OSBPL2: variants seen among roughly 807,000 people sequenced by gnomAD.
OSBPL2 encodes the protein oxysterol binding protein like 2, also known as oxysterol-binding protein-related protein 2.
In OSBPL2, 18 loss-of-function variants were observed where a neutral mutation model predicts 58.4. The observed-to-expected ratio is 0.31, with a 90% CI of 0.21 to 0.46. The LOEUF is 0.46. Among genes scored for constraint, OSBPL2 ranks in the 20% least tolerant of loss-of-function variants. The pLI, the probability that OSBPL2 is intolerant of heterozygous loss-of-function variation, is 1.00. For missense variants in OSBPL2, 461 were observed against 616.5 expected (o/e 0.75, Z 2.67); for synonymous variants, 221 against 234.1 (o/e 0.94, Z 0.51).
At chr20:62,281,004 G>T in intron 7 of OSBPL2, 54 bp from the exon 8 acceptor site, 1 of 1,416,178 alleles carries the variant, frequency 7.1e-7, no homozygotes, top group East Asian at 2.3e-5. Context: ...CTTGGGTCAC[G>T]TCGTGTCTTG....
Position 62,277,255 on chromosome 20 carries a change from AAAAAAG to A in OSBPL2, c.492-1888_492-1883del, listed in dbSNP as rs1278864273. Among the ~76,000 whole-genome samples the A allele has an allele frequency of 3.3e-5, 5 of 152,344 alleles. 1 individual carries two copies. The highest frequency in any genetic ancestry group is 2.0e-4 in the Admixed American group (3 of 15,304). ...ACAGAGATTTTGAGATTCCATCTCA[AAAAAAG>A]AAAAAGAAAAAGATAAATCAGAAGA... On this transcript the variant is annotated intron_variant, in intron 6 of 13. Coordinates refer to ENST00000313733, the MANE Select transcript of OSBPL2 (RefSeq NM_144498.4).
chr20:62,266,486 G>A (rs1334212353), intron 4 of OSBPL2, among the ~76,000 whole-genome samples: 1 of 152,232 alleles, frequency 6.6e-6, no homozygotes, highest in African/African-American at 2.4e-5. Context: ...GTGATTGGCT[G>A]TGGCTCGTTC....
Position 62,244,893 on chromosome 20 carries a change from G to A in OSBPL2, c.-129+6296G>A, listed in dbSNP as rs1979997700. 2.0e-5 allele frequency among the ~76,000 whole-genome samples: 3 copies of A among 152,328 alleles called. No homozygotes were observed. In the South Asian group the frequency reaches 6.2e-4, roughly 32 times the overall value. On this transcript the variant is annotated intron_variant, in intron 1 of 13. Transcript: ENST00000313733. ...TGGCATGGAGAATGGTAAACAGTGG[G>A]GGTGCTGCTGTCTGCACAGTGGGAG...
intron 12 of OSBPL2, chr20:62,291,235 T>TTGTAACTTCTCATGCTG: frequency 8.5e-6 from 2 of 233,946 alleles, no homozygotes; most frequent in Non-Finnish European, 1.7e-5. Context: ...TTCTCATGCT[T>TTGTAACTTCTCATGCTG]TGTATTCAGA....
intron 1 of OSBPL2, chr20:62,242,588 TA>T (rs1285662047): frequency 6.6e-6 from 1 of 152,224 alleles, no homozygotes; most frequent in Non-Finnish European, 1.5e-5. Flanking sequence ...GCTGGCTCCA[TA>T]GTTTGGGGCC....
chr20:62,282,537 A>G (rs957194818), intron 9 of OSBPL2, among the ~76,000 whole-genome samples: 6 of 152,236 alleles, frequency 3.9e-5, no homozygotes, highest in Admixed American at 1.3e-4. Context: ...CTAGTCCCCA[A>G]TTTAAAACAG....
At chr20:62,291,485 A>G (rs1601205888) in intron 12 of OSBPL2, 4 of 583,902 alleles carry the variant, frequency 6.9e-6, no homozygotes, top group East Asian at 3.1e-5. Flanking sequence ...TGCAGCCCCC[A>G]TGCTCTACTC....
intron 2 of OSBPL2, among the ~76,000 whole-genome samples, chr20:62,256,978 G>A (rs1331375018): frequency 6.6e-6 from 1 of 152,280 alleles, no homozygotes; most frequent in Non-Finnish European, 1.5e-5. Flanking sequence ...TTGCTGGTGG[G>A]AAGGGGCATC....
At chr20:62,270,096 C>T (rs945604752) in intron 4 of OSBPL2, among the ~76,000 whole-genome samples, 1 of 152,216 alleles carries the variant, frequency 6.6e-6, no homozygotes, top group Non-Finnish European at 1.5e-5. Flanking sequence ...AGAGCGCGTC[C>T]TTGTGGTGCT....
intron 7 of OSBPL2, chr20:62,279,879 C>T (rs1302510771): frequency 2.6e-6 from 3 of 1,141,708 alleles, no homozygotes; most frequent in Admixed American, 2.9e-5. Context: ...GCCCTTTGCA[C>T]ACTCCCCCAC....
intron 13 of OSBPL2, 84 bp from the exon 14 acceptor site, chr20:62,293,701 G>A: frequency 1.7e-6 from 2 of 1,209,950 alleles, no homozygotes; most frequent in Non-Finnish European, 2.3e-6. Context: ...CTGAGTTGGG[G>A]GAACACACTC....
At position 62,269,997 on chromosome 20, in the gene OSBPL2, C is replaced by T. The variant is rs1171994672; in HGVS notation, c.259-2128C>T. 1.3e-5 allele frequency among the ~76,000 whole-genome samples: 2 copies of T among 152,268 alleles called. No homozygotes were observed. Among genetic ancestry groups the T allele is most frequent in the Non-Finnish European group, 2.9e-5 (2 of 68,052 alleles). On this transcript the variant is annotated intron_variant, in intron 4 of 13. Transcript: ENST00000313733. This position sits in a 1 kb window ranked among gnomAD's most constrained non-coding sequence, Gnocchi z 4.2. ...TGCGTCTGCCCTGTGCTCTCAGCCT[C>T]GGTCCCTGCACTCGTCCTTGACCCA...
intron 5 of OSBPL2, among the ~76,000 whole-genome samples, chr20:62,273,089 C>T (rs1982169181): frequency 6.6e-6 from 1 of 152,188 alleles, no homozygotes; most frequent in Non-Finnish European, 1.5e-5. Context: ...GAAGGCAGCA[C>T]CCAGTTCCTT....
Position 62,241,880 on chromosome 20 carries a change from G to T in OSBPL2, c.-129+3283G>T, listed in dbSNP as rs78924797. Among the ~76,000 whole-genome samples the T allele has an allele frequency of 7.4e-4, 113 of 152,224 alleles. No homozygotes were observed. The East Asian group carries it at 0.012, about 17-fold the overall frequency. The stretch of plus-strand genomic sequence containing the variant: ...TAGTCATTGTCATACTTCCTGTTTG[G>T]GTGTTGACATTTCGTTTAGTGTTTA... On this transcript the variant is annotated intron_variant, in intron 1 of 13. Transcript: ENST00000313733.
Position 62,293,868 on chromosome 20 carries a change from A to C in OSBPL2, c.1424A>C (p.Asp475Ala). 6.2e-7 allele frequency: 1 copy of C among 1,614,006 alleles called. No homozygotes were observed. The highest frequency in any genetic ancestry group is 8.5e-7 in the Non-Finnish European group (1 of 1,179,982). ...AGDYFERNFS[D>A]CPDIY ...GATTACTTTGAGCGGAATTTCTCCG[A>C]CTGCCCAGATATCTACTGAGGGCCT... Residue 475 changes from aspartate to alanine, a missense_variant, in exon 14 of 14, where the codon GAC becomes GCC. This residue lies in a region of OSBPL2 where 319 missense variants were observed against 419.2 expected (regional missense o/e 0.76). Coordinates refer to ENST00000313733, the MANE Select transcript of OSBPL2 (RefSeq NM_144498.4).
At chr20:62,243,218 C>T (rs1979848616) in intron 1 of OSBPL2, among the ~76,000 whole-genome samples, 3 of 152,210 alleles carry the variant, frequency 2.0e-5, no homozygotes, top group Non-Finnish European at 1.5e-5. Context: ...TCTGTGGTGG[C>T]GAGCTCCTGC....
chr20:62,295,110 A>G lies in OSBPL2; in HGVS notation c.*1223A>G, dbSNP rs4925373. ...TGGGATTACAGGCACGCGCCACCAC[A>G]CCTGGCTGATTTTGTATTTTTAGTA... On this transcript the variant is annotated 3_prime_UTR_variant, in exon 14 of 14. Coordinates refer to ENST00000313733, the MANE Select transcript of OSBPL2 (RefSeq NM_144498.4). The surrounding 1 kb of genome is among the most constrained non-coding windows in gnomAD (Gnocchi z 4.8). 0.98 allele frequency: 149,391 copies of G among 152,096 alleles called. 73,425 individuals are homozygous for G. The highest frequency in any genetic ancestry group is 1 in the East Asian group (5,161 of 5,162). 9.4% of individuals were successfully genotyped at this position (152,096 alleles called of 1,614,324 possible).
At chr20:62,261,398 C>T (rs1254071145) in intron 3 of OSBPL2, among the ~76,000 whole-genome samples, 1 of 151,436 alleles carries the variant, frequency 6.6e-6, no homozygotes, top group African/African-American at 2.4e-5. Context: ...GGTGGCATTG[C>T]GTTGCAGGCT....
At chr20:62,256,801 G>C (rs1425009156) in intron 2 of OSBPL2, among the ~76,000 whole-genome samples, 3 of 152,254 alleles carry the variant, frequency 2.0e-5, no homozygotes, top group Non-Finnish European at 4.4e-5. Flanking sequence ...GGAAAGGGCA[G>C]GCGGGGCTGG....
Sources: gnomAD v4.1 joint callset for allele counts (sites outside exome capture counted in the v4.1 genomes callset) on GRCh38, gnomAD v4.1.1 for gene constraint, gnomAD v4.1.1 regional missense constraint, Gnocchi (gnomAD v3.1) non-coding constraint, MANE v1.5 for transcripts, NCBI Gene and HGNC (gene_info 2026-07-23, HGNC 2026-07-21) for gene names.